The following OIP5 variants were observed in gnomAD, a reference collection of about 807,000 sequenced individuals.
OIP5 encodes protein Mis18-beta.
A neutral mutation model predicts 20.3 loss-of-function variants in OIP5; 24 were observed. The ratio of observed to expected loss-of-function variants is 1.18; its 90% CI spans 0.86 to 1.66. The LOEUF is 1.66. Among genes scored for constraint, OIP5 ranks in the 40% most tolerant of loss-of-function variants. OIP5 has a pLI of 0.00. For synonymous variants in OIP5, 143 were observed against 121.3 expected (o/e 1.18, Z -1.17); for missense variants, 339 against 289.5 (o/e 1.17, Z -1.24).
chr15:41,322,816 T>C (rs2047838634), intron 2 of OIP5, among the ~76,000 whole-genome samples: 1 of 151,942 alleles, frequency 6.6e-6, no homozygotes, highest in Non-Finnish European at 1.5e-5. Context: ...GTGCCTGTAA[T>C]CCCAGCTACT....
intron 2 of OIP5, among the ~76,000 whole-genome samples, chr15:41,325,775 G>A (rs376866137): frequency 3.6e-4 from 51 of 142,584 alleles, no homozygotes; most frequent in African/African-American, 1.3e-3. Flanking sequence ...GCTTGAACCC[G>A]GGATGTGGAG....
intron 2 of OIP5, among the ~76,000 whole-genome samples, chr15:41,331,504 G>A (rs935666759): frequency 1.3e-5 from 2 of 152,214 alleles, no homozygotes; most frequent in African/African-American, 4.8e-5. Flanking sequence ...AGGATAGCTT[G>A]AGCCAGGAAG....
In OIP5 at chr15:41,317,236, G is replaced by A. The variant is rs368928869; in HGVS notation, c.512+2422C>T. On this transcript the variant is annotated intron_variant, in intron 3 of 4. Transcript: ENST00000220514. ...TCCCTGCAGCTACATGCATCACATG[G>A]GAAATAGCTATCCCATACATAGAGC... Among the ~76,000 whole-genome samples the A allele has an allele frequency of 9.6e-4, 146 of 152,124 alleles. 2 individuals carry two copies. The South Asian group carries it at 0.03, about 31-fold the overall frequency.
chr15:41,313,081 T>C (rs1424635631), intron 4 of OIP5, among the ~76,000 whole-genome samples, 192 bp downstream of exon 4: 1 of 152,234 alleles, frequency 6.6e-6, no homozygotes, highest in Non-Finnish European at 1.5e-5. Context: ...CAGCTTTTCC[T>C]TTCTTCCTGA....
intron 4 of OIP5, among the ~76,000 whole-genome samples, chr15:41,311,426 C>G (rs548119959): frequency 6.6e-6 from 1 of 150,568 alleles, no homozygotes; most frequent in Non-Finnish European, 1.5e-5. Flanking sequence ...AATAAATAAA[C>G]AAATAAATGT....
intron 4 of OIP5, 29 bp downstream of exon 4, chr15:41,313,244 A>G (rs753862573): frequency 2.9e-6 from 4 of 1,368,484 alleles, no homozygotes; most frequent in African/African-American, 1.4e-5. Flanking sequence ...TGTATTTTAA[A>G]AAAGCATACA....
At chr15:41,331,516 T>C (rs915676165) in intron 2 of OIP5, among the ~76,000 whole-genome samples, 3 of 152,176 alleles carry the variant, frequency 2.0e-5, no homozygotes, top group African/African-American at 7.2e-5. Flanking sequence ...GCCAGGAAGG[T>C]AGGGGCTGTA....
intron 2 of OIP5, among the ~76,000 whole-genome samples, chr15:41,329,313 G>GA (rs1555424909): frequency 1.2e-4 from 14 of 121,266 alleles, no homozygotes; most frequent in African/African-American, 4.3e-4. Context: ...TTTCCCTCTA[G>GA]TTTTTTTTTT....
At chr15:41,317,610 G>A (rs1324816553) in intron 3 of OIP5, among the ~76,000 whole-genome samples, 4 of 151,942 alleles carry the variant, frequency 2.6e-5, no homozygotes, top group African/African-American at 9.7e-5. Context: ...TCGATCTCCT[G>A]ACCTCATGAT....
At chr15:41,321,872 A>G (rs1030634489) in intron 2 of OIP5, among the ~76,000 whole-genome samples, 1 of 151,074 alleles carries the variant, frequency 6.6e-6, no homozygotes, top group Non-Finnish European at 1.5e-5. Flanking sequence ...CTATTGTCCT[A>G]TGACCCTGCC....
At chr15:41,319,812 G>A (rs758727664) in intron 2 of OIP5, 32 bp from the exon 3 acceptor site, 2 of 1,555,504 alleles carry the variant, frequency 1.3e-6, no homozygotes, top group Non-Finnish European at 1.7e-6. Flanking sequence ...ATATGGGTAA[G>A]AATAAAAAAT....
chr15:41,318,407 C>T (rs376775238), intron 3 of OIP5, among the ~76,000 whole-genome samples: 3 of 152,242 alleles, frequency 2.0e-5, no homozygotes, highest in Non-Finnish European at 2.9e-5. Flanking sequence ...GGTGAACCCC[C>T]GACCTCAGCC....
chr15:41,317,919 A>G (rs7175690), intron 3 of OIP5, among the ~76,000 whole-genome samples: 12,807 of 151,952 alleles, frequency 0.084, 684 homozygotes, highest in East Asian at 0.16. Context: ...AGCTCAAACA[A>G]TCCTCCAACT....
At chr15:41,313,211 G>T in intron 4 of OIP5, 62 bp downstream of exon 4, 1 of 986,104 alleles carries the variant, frequency 1.0e-6, no homozygotes. Context: ...CAAGTTCATT[G>T]GTAGAAGTTA....
Position 41,332,416 on chromosome 15 carries a change from G to A in OIP5, c.146C>T (p.Pro49Leu). The A allele has an allele frequency of 1.2e-6, 2 of 1,613,956 alleles. No homozygotes were observed. The highest frequency in any genetic ancestry group is 1.7e-6 in the Non-Finnish European group (2 of 1,179,900). The stretch of plus-strand genomic sequence containing the variant: ...AGCCCCCAGCCCTGCGGGGCCGAGC[G>A]GCGAGGACCCCTTCACCACCTGCGT... ...WDTQVVKGSS[P>L]LGPAGLGAEE... Residue 49 changes from proline to leucine, a missense_variant, in exon 1 of 5, where the codon CCG becomes CTG. Coordinates refer to ENST00000220514, the MANE Select transcript of OIP5 (RefSeq NM_007280.2).
In OIP5 at chr15:41,317,194, T is replaced by C. The variant is rs549129230; in HGVS notation, c.512+2464A>G. On this transcript the variant is annotated intron_variant, in intron 3 of 4. Transcript: ENST00000220514. Reference sequence around the variant, plus strand: ...CTTTTCTCTGTGTCTGCTTCATGTTTTACTGCAGAGAAGACTTCCCTGCAG... The same window carrying C: ...CTTTTCTCTGTGTCTGCTTCATGTTCTACTGCAGAGAAGACTTCCCTGCAG... Among the ~76,000 whole-genome samples, 9 of 152,276 alleles carry C rather than the reference T, an allele frequency of 5.9e-5. No individual in the cohort carries two copies. The East Asian group carries it at 1.7e-3, about 29-fold the overall frequency.
intron 2 of OIP5, among the ~76,000 whole-genome samples, chr15:41,331,439 C>T (rs530383503): frequency 1.3e-5 from 2 of 152,170 alleles, no homozygotes; most frequent in African/African-American, 4.8e-5. Context: ...TAAAAATTAG[C>T]CGGGAGTGGT....
At chr15:41,318,809 C>T (rs1455169494) in intron 3 of OIP5, among the ~76,000 whole-genome samples, 2 of 151,506 alleles carry the variant, frequency 1.3e-5, no homozygotes, top group Non-Finnish European at 2.9e-5. Flanking sequence ...ATCCTCCCAC[C>T]TCAGCCTCCC....
At chr15:41,326,645 C>T (rs1258451713) in intron 2 of OIP5, among the ~76,000 whole-genome samples, 2 of 152,168 alleles carry the variant, frequency 1.3e-5, no homozygotes, top group African/African-American at 4.8e-5. Context: ...AGGCTGGTCT[C>T]GAACTCCTGA....
Sources: allele counts gnomAD v4.1 joint callset (sites outside exome capture counted in the v4.1 genomes callset), GRCh38; gene constraint gnomAD v4.1.1; transcripts MANE v1.5; gene names NCBI Gene and HGNC (gene_info 2026-07-23, HGNC 2026-07-21).